RBMS1: variants seen among roughly 807,000 people sequenced by gnomAD.
RBMS1 encodes RNA-binding motif, single-stranded-interacting protein 1.
Under a neutral mutation model 62.3 loss-of-function variants are expected in RBMS1, and 17 were observed. That is an observed-to-expected ratio of 0.27 (90% confidence interval 0.19 to 0.41). The LOEUF (loss-of-function observed/expected upper bound fraction) is 0.41, where lower values mean the gene tolerates loss of function less well. RBMS1 is among the 10% of genes least tolerant of loss of function. The pLI is 1.00. For missense variants in RBMS1, 334 were observed against 504.5 expected, an observed-to-expected ratio of 0.66 and a Z score of 3.24; for synonymous variants, 172 against 170.0, an observed-to-expected ratio of 1.01 and a Z score of -0.09.
At chr2:160,388,392 C>T (rs1249674629) in intron 1 of RBMS1, among the ~76,000 whole-genome samples, 1 of 152,110 alleles carries the variant, frequency 6.6e-6, no homozygotes, top group African/African-American at 2.4e-5. Context: ...TTTTAATGAG[C>T]ACCCCAAGAG....
chr2:160,344,208 G>A (rs575809597), intron 2 of RBMS1, among the ~76,000 whole-genome samples: 14 of 152,198 alleles, frequency 9.2e-5, no homozygotes, highest in East Asian at 1.9e-4. Context: ...TAAAACTAAC[G>A]ATGCCACATA....
intron 1 of RBMS1, among the ~76,000 whole-genome samples, chr2:160,455,797 C>G (rs562353403): frequency 6.6e-6 from 1 of 151,258 alleles, no homozygotes; most frequent in Non-Finnish European, 1.5e-5. Flanking sequence ...CATTCTCCTG[C>G]CTCAGCCTCC....
chr2:160,367,052 A>T, intron 2 of RBMS1, 164 bp downstream of exon 2: 1 of 565,698 alleles, frequency 1.8e-6, no homozygotes, highest in Non-Finnish European at 2.9e-6. Context: ...TATTGACTCA[A>T]AAAGTATTTA....
At chr2:160,395,610 C>A (rs561053936) in intron 1 of RBMS1, among the ~76,000 whole-genome samples, 1 of 123,646 alleles carries the variant, frequency 8.1e-6, no homozygotes, top group East Asian at 2.3e-4. Context: ...GGTGACACAG[C>A]GAGACTCCGT....
At chr2:160,378,424 G>A (rs1233206118) in intron 1 of RBMS1, among the ~76,000 whole-genome samples, 7 of 151,982 alleles carry the variant, frequency 4.6e-5, no homozygotes, top group African/African-American at 7.3e-5. Context: ...ATCAGCCTGG[G>A]CAACATAGCA....
chr2:160,483,641 G>A (rs1014231470), intron 1 of RBMS1, among the ~76,000 whole-genome samples: 1 of 152,170 alleles, frequency 6.6e-6, no homozygotes, highest in Non-Finnish European at 1.5e-5. Flanking sequence ...CAGATGGAGT[G>A]GGAGTAGCTT....
chr2:160,425,707 G>A (rs1377919729), intron 1 of RBMS1, among the ~76,000 whole-genome samples: 1 of 152,098 alleles, frequency 6.6e-6, no homozygotes, highest in African/African-American at 2.4e-5. Flanking sequence ...AAGTTCAAGG[G>A]GAAAAATTCA....
intron 1 of RBMS1, among the ~76,000 whole-genome samples, chr2:160,406,884 G>C (rs1180463312): frequency 6.6e-6 from 1 of 152,192 alleles, no homozygotes; most frequent in Non-Finnish European, 1.5e-5. Context: ...GCATATCCAA[G>C]TATCTTCTGC....
rs752651507 is a variant in RBMS1, at chr2:160,281,364, C to T, written c.901G>A (p.Val301Met). 8.1e-6 allele frequency: 13 copies of T among 1,606,252 alleles called. No individual in the cohort carries two copies. Among genetic ancestry groups the T allele is most frequent in the Admixed American group, 1.7e-5 (1 of 59,594 alleles). ...YIASPVSAYQ[V>M]QSPSWMQPQP... The stretch of plus-strand genomic sequence containing the variant: ...GGTTGCATCCACGAAGGACTTTGCA[C>T]CTAGAAAAGGGAGGATTTTGAAAGA... Residue 301 changes from valine to methionine, a missense_variant and splice_region_variant, in exon 10 of 14, where the codon GTG (valine) becomes ATG (methionine). Physicochemically the swap from Val to Met is conservative, Grantham distance 21. Around this residue, in one of 3 missense-constraint regions of RBMS1, gnomAD observed 182 missense variants for 257.7 expected, o/e 0.71. Coordinates refer to ENST00000348849, the MANE Select transcript of RBMS1 (RefSeq NM_016836.4).
intron 1 of RBMS1, among the ~76,000 whole-genome samples, chr2:160,474,165 G>A (rs2105348208): frequency 6.6e-6 from 1 of 152,164 alleles, no homozygotes; most frequent in East Asian, 1.9e-4. Context: ...TTAAAAAAAA[G>A]GTGAGTCACA....
At chr2:160,328,834 A>G (rs538300007) in intron 2 of RBMS1, among the ~76,000 whole-genome samples, 3 of 152,212 alleles carry the variant, frequency 2.0e-5, no homozygotes, top group Non-Finnish European at 4.4e-5. Flanking sequence ...ACACAACCAG[A>G]TAACTGTGTC....
At chr2:160,312,392 T>A (rs1023892295) in intron 4 of RBMS1, among the ~76,000 whole-genome samples, 1 of 152,170 alleles carries the variant, frequency 6.6e-6, no homozygotes, top group Admixed American at 6.5e-5. Context: ...AAAAAAAATG[T>A]ACCTTATCAT....
intron 3 of RBMS1, among the ~76,000 whole-genome samples, chr2:160,313,908 A>G (rs1485793197): frequency 6.6e-6 from 1 of 152,218 alleles, no homozygotes; most frequent in Non-Finnish European, 1.5e-5. Context: ...CTAAAAACAA[A>G]ACATAACAAA....
At chr2:160,366,972 C>A in intron 2 of RBMS1, 1 of 320,350 alleles carries the variant, frequency 3.1e-6, no homozygotes, top group African/African-American at 2.1e-5. Context: ...TCTCATATGC[C>A]CATAAAGTCA....
intron 1 of RBMS1, among the ~76,000 whole-genome samples, chr2:160,443,557 C>G (rs879266726): frequency 2.6e-5 from 4 of 151,678 alleles, no homozygotes; most frequent in Non-Finnish European, 4.4e-5. Context: ...GTGGCACCTC[C>G]CCCCACCCCC....
intron 2 of RBMS1, among the ~76,000 whole-genome samples, chr2:160,320,533 G>T (rs866871132): frequency 6.6e-6 from 1 of 152,152 alleles, no homozygotes; most frequent in Non-Finnish European, 1.5e-5. Context: ...TCTGGGTTGT[G>T]GGGGTGGATC....
chr2:160,304,660 G>A (rs969723084), intron 4 of RBMS1, among the ~76,000 whole-genome samples: 2 of 152,132 alleles, frequency 1.3e-5, no homozygotes, highest in South Asian at 2.1e-4. Flanking sequence ...TTATAAAAAA[G>A]TTTAGAAAAT....
intron 1 of RBMS1, among the ~76,000 whole-genome samples, chr2:160,440,119 C>CT (rs1346189561): frequency 1.5e-5 from 1 of 65,244 alleles, no homozygotes; most frequent in Non-Finnish European, 3.5e-5. Context: ...GGGCTTTTTT[C>CT]TTTTTTTCCC....
At chr2:160,433,688 T>C (rs1299883363) in intron 1 of RBMS1, among the ~76,000 whole-genome samples, 1 of 152,210 alleles carries the variant, frequency 6.6e-6, no homozygotes, top group Non-Finnish European at 1.5e-5. Flanking sequence ...CTACATAAAA[T>C]TTTCTGATTC....
Sources: allele counts gnomAD v4.1 joint callset (sites outside exome capture counted in the v4.1 genomes callset), GRCh38; gene constraint gnomAD v4.1.1; regional missense constraint gnomAD v4.1.1; transcripts MANE v1.5; gene names NCBI Gene and HGNC (gene_info 2026-07-23, HGNC 2026-07-21).